The following SEMA3D variants were observed in gnomAD, a reference collection of about 807,000 sequenced individuals.
SEMA3D encodes the protein semaphorin 3D, also known as semaphorin-3D.
Under a neutral mutation model 100.1 loss-of-function variants are expected in SEMA3D, and 84 were observed. The ratio of observed to expected loss-of-function variants is 0.84; its 90% CI spans 0.70 to 1.01. SEMA3D has a LOEUF of 1.01. SEMA3D is among the 50% of genes least tolerant of loss of function. The pLI is 0.00. For missense variants in SEMA3D, 875 were observed against 934.1 expected (o/e 0.94, Z 0.82); for synonymous variants, 312 against 320.7 (o/e 0.97, Z 0.29).
chr7:85,076,479 G>C (rs1017539330), intron 5 of SEMA3D, among the ~76,000 whole-genome samples: 4 of 151,934 alleles, frequency 2.6e-5, no homozygotes, highest in Admixed American at 6.5e-5. Flanking sequence ...TTTCTCCCCA[G>C]ATACCTGGAA....
chr7:85,207,110 C>G, the SEMA3D span, among the ~76,000 whole-genome samples: 1 of 151,958 alleles, frequency 6.6e-6, no homozygotes, highest in Non-Finnish European at 1.5e-5. Context: ...ATAGTGAAAG[C>G]TATGATTCAT....
intron 2 of SEMA3D, chr7:85,151,572 T>C (rs544103317): frequency 1.8e-4 from 158 of 901,644 alleles, no homozygotes; most frequent in Middle Eastern, 1.1e-3. Flanking sequence ...AGCACCGTAG[T>C]TGATGTGTGT....
chr7:85,062,870 C>T (rs1044023782), intron 8 of SEMA3D, among the ~76,000 whole-genome samples: 9 of 152,004 alleles, frequency 5.9e-5, no homozygotes, highest in Non-Finnish European at 8.8e-5. Flanking sequence ...TGAAACTATT[C>T]GGATGGATGA....
At chr7:85,106,938 C>T (rs372740677) in intron 3 of SEMA3D, among the ~76,000 whole-genome samples, 4 of 152,014 alleles carry the variant, frequency 2.6e-5, no homozygotes, top group Non-Finnish European at 4.4e-5. Flanking sequence ...TCACAGGACA[C>T]GTGGGGATTA....
At chr7:85,119,074 C>T (rs1488392971) in intron 3 of SEMA3D, among the ~76,000 whole-genome samples, 1 of 151,850 alleles carries the variant, frequency 6.6e-6, no homozygotes, top group African/African-American at 2.4e-5. Flanking sequence ...CCATCTCACA[C>T]TATTCAGTCA....
At chr7:85,216,511 C>T in the SEMA3D span, among the ~76,000 whole-genome samples, 8 of 151,982 alleles carry the variant, frequency 5.3e-5, no homozygotes, top group African/African-American at 1.7e-4. Flanking sequence ...ATATTTTTTA[C>T]TGTCTCACCA....
chr7:85,207,258 C>T, the SEMA3D span, among the ~76,000 whole-genome samples: 2 of 151,912 alleles, frequency 1.3e-5, no homozygotes, highest in Non-Finnish European at 2.9e-5. Context: ...AGCCAAACAC[C>T]GTAAAAGAGG....
At chr7:85,057,854 C>A (rs1367606974) in intron 8 of SEMA3D, among the ~76,000 whole-genome samples, 1 of 152,036 alleles carries the variant, frequency 6.6e-6, no homozygotes, top group African/African-American at 2.4e-5. Context: ...TCCCTTGAAC[C>A]CAGAAGGCAG....
At chr7:85,040,905 T>C (rs1225487593) in intron 10 of SEMA3D, among the ~76,000 whole-genome samples, 163 bp from the exon 11 acceptor site, 1 of 152,170 alleles carries the variant, frequency 6.6e-6, no homozygotes, top group East Asian at 1.9e-4. Context: ...TTTTTCTCAA[T>C]GACTATGTAT....
At chr7:85,169,053 T>C (rs1791012290) in intron 1 of SEMA3D, among the ~76,000 whole-genome samples, 1 of 151,590 alleles carries the variant, frequency 6.6e-6, no homozygotes, top group African/African-American at 2.4e-5. Flanking sequence ...AGATAAAAAA[T>C]ATTTTATCAT....
chr7:85,194,385 C>T, the SEMA3D span, among the ~76,000 whole-genome samples: 222 of 152,154 alleles, frequency 1.5e-3, 1 homozygote, highest in South Asian at 2.5e-3. Context: ...GCTCTATTCT[C>T]GTTTGTTGAC....
chr7:85,051,497 T>C (rs1562797704), intron 9 of SEMA3D, among the ~76,000 whole-genome samples: 2 of 151,936 alleles, frequency 1.3e-5, no homozygotes, highest in Non-Finnish European at 2.9e-5. Context: ...TGCAGACACT[T>C]TTCTCTTCTA....
intron 1 of SEMA3D, among the ~76,000 whole-genome samples, chr7:85,184,237 G>A (rs1791478876): frequency 6.6e-6 from 1 of 152,082 alleles, no homozygotes; most frequent in Non-Finnish European, 1.5e-5. Context: ...GTGGGGTCAT[G>A]ACAACTTTCT....
At chr7:85,014,264 T>C (rs1038424229) in intron 16 of SEMA3D, among the ~76,000 whole-genome samples, 3 of 151,804 alleles carry the variant, frequency 2.0e-5, no homozygotes, top group Admixed American at 2.0e-4. Context: ...GAGGAAAATA[T>C]ACTTCGAATA....
intron 12 of SEMA3D, among the ~76,000 whole-genome samples, chr7:85,024,672 C>A (rs1790344175): frequency 6.6e-6 from 1 of 151,892 alleles, no homozygotes; most frequent in South Asian, 2.1e-4. Flanking sequence ...TGGCATGTTG[C>A]CAGTGTTTGG....
chr7:85,132,621 G>A (rs950201646), intron 2 of SEMA3D, among the ~76,000 whole-genome samples: 2 of 151,698 alleles, frequency 1.3e-5, no homozygotes, highest in African/African-American at 4.8e-5. Flanking sequence ...TCTCTAGCAT[G>A]AACATTACTG....
rs527515557 is a variant in SEMA3D, at chr7:85,076,020, G to A, written c.376-2939C>T. Among the ~76,000 whole-genome samples the A allele has an allele frequency of 3.9e-5, 6 of 152,324 alleles. No homozygotes were observed. In the East Asian group the frequency reaches 1.2e-3, roughly 29 times the overall value. On this transcript the variant is annotated intron_variant, in intron 5 of 18. Coordinates refer to ENST00000284136, the MANE Select transcript of SEMA3D (RefSeq NM_001384900.1). ...GTGACCTGCAAGGCTATCAGTGGTAGTGTAATTCTGTGAGGCACGAAGAAA... is the reference window on the plus strand; with the variant it reads ...GTGACCTGCAAGGCTATCAGTGGTAATGTAATTCTGTGAGGCACGAAGAAA...
At chr7:85,114,759 T>C (rs952473767) in intron 3 of SEMA3D, among the ~76,000 whole-genome samples, 2 of 152,154 alleles carry the variant, frequency 1.3e-5, no homozygotes, top group Non-Finnish European at 2.9e-5. Context: ...TCAATTCTCC[T>C]TATATATAAG....
At chr7:85,123,712 T>C (rs1008530480) in intron 2 of SEMA3D, among the ~76,000 whole-genome samples, 2 of 152,130 alleles carry the variant, frequency 1.3e-5, no homozygotes, top group Non-Finnish European at 2.9e-5. Context: ...TCATTACATT[T>C]CATTACATTC....
Sources: gnomAD v4.1 joint callset for allele counts (sites outside exome capture counted in the v4.1 genomes callset) on GRCh38, gnomAD v4.1.1 for gene constraint, MANE v1.5 for transcripts, NCBI Gene and HGNC (gene_info 2026-07-23, HGNC 2026-07-21) for gene names.